The following AUTS2 variants were observed in gnomAD, a reference collection of about 807,000 sequenced individuals.
AUTS2 encodes autism susceptibility gene 2 protein.
Under a neutral mutation model 112.4 loss-of-function variants are expected in AUTS2, and 17 were observed. The ratio of observed to expected loss-of-function variants is 0.15; its 90% CI spans 0.10 to 0.23. AUTS2 has a LOEUF of 0.23. AUTS2 is among the 10% of genes least tolerant of loss of function. AUTS2 has a pLI of 1.00. For synonymous variants in AUTS2, 751 were observed against 702.7 expected, an observed-to-expected ratio of 1.07 and a Z score of -1.09; for missense variants, 1,510 against 1,701.6, an observed-to-expected ratio of 0.89 and a Z score of 1.98.
Position 70,423,364 on chromosome 7 carries a change from T to G in AUTS2, c.661-12388T>G, listed in dbSNP as rs556987966. 4.1e-3 allele frequency among the ~76,000 whole-genome samples: 620 copies of G among 152,372 alleles called. 3 individuals are homozygous for G. The highest frequency in any genetic ancestry group is 0.014 in the Middle Eastern group (4 of 294). Reference sequence around the variant, plus strand: ...ATCAAAACTATCTCCTAATTCTGACTGGTCAGAATCGCTAGACAAAGTTTA... The same window carrying G: ...ATCAAAACTATCTCCTAATTCTGACGGGTCAGAATCGCTAGACAAAGTTTA... On this transcript the variant is annotated intron_variant, in intron 4 of 18. Transcript: ENST00000342771.
At chr7:70,324,408 G>A (rs142684872) in intron 4 of AUTS2, among the ~76,000 whole-genome samples, 1 of 152,262 alleles carries the variant, frequency 6.6e-6, no homozygotes, top group African/African-American at 2.4e-5. Flanking sequence ...GATTGCTTGA[G>A]CCCAGGAGTT....
Position 70,631,633 on chromosome 7 carries a change from C to G in AUTS2, c.691-66936C>G, listed in dbSNP as rs1805265987. 6.6e-6 allele frequency among the ~76,000 whole-genome samples: 1 copy of G among 152,172 alleles called. No individual in the cohort carries two copies. Among genetic ancestry groups the G allele is most frequent in the South Asian group, 2.1e-4 (1 of 4,822 alleles). ...AAGGGCAGCTATGAAAATGGCCCAG[C>G]TGCAGAAAGTCATTCCTCACGAAGA... On this transcript the variant is annotated intron_variant, in intron 5 of 18. Coordinates refer to ENST00000342771, the MANE Select transcript of AUTS2 (RefSeq NM_015570.4). This position sits in a 1 kb window ranked among gnomAD's most constrained non-coding sequence, Gnocchi z 4.5.
At chr7:70,623,101 T>G (rs1804761022) in intron 5 of AUTS2, among the ~76,000 whole-genome samples, 1 of 152,224 alleles carries the variant, frequency 6.6e-6, no homozygotes, top group Non-Finnish European at 1.5e-5. Context: ...GAATTAGGAA[T>G]GGCTTCGGGA....
intron 6 of AUTS2, among the ~76,000 whole-genome samples, chr7:70,720,536 G>A (rs1428590523): frequency 6.6e-6 from 1 of 152,066 alleles, no homozygotes; most frequent in Non-Finnish European, 1.5e-5. Context: ...AGTTGGTAGG[G>A]ATCTTTTTAT....
chr7:70,785,057 T>C (rs779040732), intron 16 of AUTS2, 38 bp downstream of exon 16: 2 of 1,602,132 alleles, frequency 1.2e-6, no homozygotes, highest in Non-Finnish European at 1.7e-6. Flanking sequence ...AGATGTGTGC[T>C]TCAGGCAACC....
rs148438436 is a variant in AUTS2 at position 69,760,125 on chromosome 7, A to G, written c.310-139161A>G. On this transcript the variant is annotated intron_variant, in intron 1 of 18. Transcript: ENST00000342771. ...AAAACAAGTATCATGTTCTGTAACA[A>G]ACTCAGTTACACTAACACCAGAACT... is the stretch of plus-strand genomic sequence containing the variant. 1.9e-3 allele frequency among the ~76,000 whole-genome samples: 291 copies of G among 151,888 alleles called. 1 individual carries two copies. Among genetic ancestry groups the G allele is most frequent in the African/African-American group, 6.7e-3 (279 of 41,468 alleles).
intron 1 of AUTS2, among the ~76,000 whole-genome samples, chr7:69,858,543 G>A (rs1235515033): frequency 1.3e-5 from 2 of 152,096 alleles, no homozygotes; most frequent in African/African-American, 4.8e-5. Flanking sequence ...CCTAAATTTT[G>A]TTTTGGTCTA....
rs149999717 is a variant in AUTS2 at position 70,345,561 on chromosome 7, C to T, written c.661-90191C>T. ...TAGGGGCAGTTTCACAATTTTGAAG[C>T]TCCTTGATTCCCTTGAGCCATTGTC... is the stretch of plus-strand genomic sequence containing the variant. On this transcript the variant is annotated intron_variant, in intron 4 of 18. Transcript: ENST00000342771. Among the ~76,000 whole-genome samples the T allele has an allele frequency of 5.6e-3, 849 of 152,302 alleles. 8 individuals carry two copies. The highest frequency in any genetic ancestry group is 0.01 in the Middle Eastern group (3 of 294).
intron 1 of AUTS2, among the ~76,000 whole-genome samples, chr7:69,839,146 T>C (rs1791858323): frequency 6.6e-6 from 1 of 152,198 alleles, no homozygotes. Flanking sequence ...CTTTGCCTGC[T>C]GACAGTCTCT....
At chr7:70,289,955 T>C (rs2129611777) in intron 4 of AUTS2, among the ~76,000 whole-genome samples, 1 of 152,356 alleles carries the variant, frequency 6.6e-6, no homozygotes, top group South Asian at 2.1e-4. Context: ...TTTTTATATG[T>C]GATCCCACAG....
rs541735414 is a variant in AUTS2, at chr7:70,620,455, C to T, written c.691-78114C>T. On this transcript the variant is annotated intron_variant, in intron 5 of 18. Transcript: ENST00000342771. ...TATGGGCATCGGTGTGCAGTAGGCG[C>T]TCAGTCACACCACGCTCATCACTGA... Among the ~76,000 whole-genome samples the T allele has an allele frequency of 1.7e-4, 26 of 152,184 alleles. No individual in the cohort carries two copies. In the East Asian group the frequency reaches 4.7e-3, roughly 27 times the overall value.
At chr7:70,330,490 A>G (rs564973979) in intron 4 of AUTS2, among the ~76,000 whole-genome samples, 141 of 152,298 alleles carry the variant, frequency 9.3e-4, no homozygotes, top group African/African-American at 2.2e-3. Context: ...CTGCGTGTCT[A>G]TCCTTATGCC....
intron 1 of AUTS2, among the ~76,000 whole-genome samples, chr7:69,771,578 C>A (rs986997805): frequency 1.3e-5 from 2 of 152,046 alleles, no homozygotes; most frequent in Non-Finnish European, 2.9e-5. Context: ...GTGCTAGTTC[C>A]GTGTGGCAAA....
At chr7:70,016,178 A>G (rs943384825) in intron 2 of AUTS2, among the ~76,000 whole-genome samples, 6 of 152,180 alleles carry the variant, frequency 3.9e-5, no homozygotes, top group African/African-American at 1.4e-4. Flanking sequence ...CAGGAGTTTC[A>G]GTGGTCAAGG....
intron 5 of AUTS2, among the ~76,000 whole-genome samples, chr7:70,602,542 G>C (rs1416922156): frequency 6.6e-6 from 1 of 152,200 alleles, no homozygotes; most frequent in Non-Finnish European, 1.5e-5. Context: ...TTTCATTGTA[G>C]TAACATATTC....
At chr7:70,010,251 T>A (rs1039423179) in intron 2 of AUTS2, among the ~76,000 whole-genome samples, 5 of 152,122 alleles carry the variant, frequency 3.3e-5, no homozygotes, top group Non-Finnish European at 7.4e-5. Context: ...GCTCAAGTGA[T>A]CCTCCCACCT....
At chr7:70,420,159 A>C (rs1208551911) in intron 4 of AUTS2, among the ~76,000 whole-genome samples, 2 of 152,208 alleles carry the variant, frequency 1.3e-5, no homozygotes, top group Admixed American at 1.3e-4. Context: ...CTGTTAAGAA[A>C]TATTTTGGAT....
At chr7:70,231,286 A>T (rs968999294) in intron 4 of AUTS2, among the ~76,000 whole-genome samples, 4 of 152,202 alleles carry the variant, frequency 2.6e-5, no homozygotes, top group Non-Finnish European at 5.9e-5. Context: ...CTTACATGTG[A>T]AAACACACTC....
intron 2 of AUTS2, among the ~76,000 whole-genome samples, chr7:69,952,791 C>T (rs1797075957): frequency 6.6e-6 from 1 of 152,110 alleles, no homozygotes. Context: ...CTTAAGCAAA[C>T]ATATTAAAGA....
Sources: allele counts gnomAD v4.1 joint callset (sites outside exome capture counted in the v4.1 genomes callset), GRCh38; gene constraint gnomAD v4.1.1; non-coding constraint Gnocchi (gnomAD v3.1); transcripts MANE v1.5; gene names NCBI Gene and HGNC (gene_info 2026-07-23, HGNC 2026-07-21).